The following CSMD1 variants were observed in gnomAD, a reference collection of about 807,000 sequenced individuals.
CSMD1 encodes the protein CUB and Sushi multiple domains 1.
In CSMD1, 213 loss-of-function variants were observed where a neutral mutation model predicts 417.5. The observed-to-expected ratio is 0.51, with a 90% CI of 0.46 to 0.57. CSMD1 has a LOEUF of 0.57. Ranked by LOEUF, CSMD1 falls within the 20% of genes least tolerant of loss-of-function variation. CSMD1 has a pLI of 0.00. For missense variants in CSMD1, 6,923 were observed against 4,529.7 expected (o/e 1.53, Z -15.17); for synonymous variants, 2,862 against 1,736.8 (o/e 1.65, Z -16.11).
At chr8:3,635,793 C>CAAAAAAAAAAAAAA (rs752552617) in intron 7 of CSMD1, among the ~76,000 whole-genome samples, 2 of 99,274 alleles carry the variant, frequency 2.0e-5, no homozygotes, top group African/African-American at 4.1e-5. Flanking sequence ...GCTTCCATCT[C>CAAAAAAAAAAAAAA]AAAAAAAAAA....
At chr8:3,192,975 A>G (rs532317833) in intron 33 of CSMD1, among the ~76,000 whole-genome samples, 1 of 151,962 alleles carries the variant, frequency 6.6e-6, no homozygotes, top group South Asian at 2.1e-4. Context: ...TTCCACAGTC[A>G]TCTCAAGGAT....
In CSMD1 at chr8:4,284,349, C is replaced by G. The variant is rs143481374; in HGVS notation, c.415+135604G>C. ...TGCCAATGCACTCCAGCCTGGGGGA[C>G]AAGAGAGAAACTACAACCCCCCCCA... On this transcript the variant is annotated intron_variant, in intron 3 of 69. Coordinates refer to ENST00000635120, the MANE Select transcript of CSMD1 (RefSeq NM_033225.6). Among the ~76,000 whole-genome samples, 1,344 of 151,912 alleles carry G rather than the reference C, an allele frequency of 8.8e-3. 20 individuals are homozygous for G. The highest frequency in any genetic ancestry group is 0.03 in the African/African-American group (1,258 of 41,402).
At chr8:3,695,611 C>G (rs542371137) in intron 7 of CSMD1, among the ~76,000 whole-genome samples, 2 of 152,000 alleles carry the variant, frequency 1.3e-5, no homozygotes, top group African/African-American at 4.8e-5. Flanking sequence ...AAAATGTTCA[C>G]GTGTTTCACA....
At chr8:4,510,282 T>G (rs1204050533) in intron 2 of CSMD1, among the ~76,000 whole-genome samples, 2 of 151,378 alleles carry the variant, frequency 1.3e-5, no homozygotes, top group Admixed American at 6.6e-5. Context: ...GGGTATGTCT[T>G]TATCAGCAGC....
chr8:3,668,953 A>G (rs897787057), intron 7 of CSMD1, among the ~76,000 whole-genome samples: 60 of 152,162 alleles, frequency 3.9e-4, no homozygotes, highest in African/African-American at 1.4e-3. Context: ...AACAGGAAAG[A>G]TGGGGAGAAA....
At chr8:4,530,000 C>T (rs1796715723) in intron 2 of CSMD1, among the ~76,000 whole-genome samples, 1 of 152,090 alleles carries the variant, frequency 6.6e-6, no homozygotes, top group Non-Finnish European at 1.5e-5. Flanking sequence ...CTGCAAGCCC[C>T]GCCTTCCGGG....
intron 1 of CSMD1, among the ~76,000 whole-genome samples, chr8:4,689,229 A>G (rs1806598478): frequency 6.6e-6 from 1 of 152,194 alleles, no homozygotes; most frequent in African/African-American, 2.4e-5. Flanking sequence ...GTGATTTTGC[A>G]TGTATTAAAC....
At chr8:3,938,250 T>C (rs1241159749) in intron 5 of CSMD1, among the ~76,000 whole-genome samples, 1 of 152,040 alleles carries the variant, frequency 6.6e-6, no homozygotes, top group Non-Finnish European at 1.5e-5. Flanking sequence ...CTTTACTGTT[T>C]AAAAAAAATT....
chr8:3,484,960 A>ATGGC (rs145777569), intron 11 of CSMD1, among the ~76,000 whole-genome samples: 3,420 of 152,264 alleles, frequency 0.022, 111 homozygotes, highest in East Asian at 0.14. Flanking sequence ...ACTTAACATC[A>ATGGC]TGGGCTGTGA....
intron 2 of CSMD1, among the ~76,000 whole-genome samples, chr8:4,441,734 T>G (rs1318293035): frequency 6.6e-6 from 1 of 152,120 alleles, no homozygotes; most frequent in African/African-American, 2.4e-5. Flanking sequence ...AAATGAAAAT[T>G]TTTACTTAAA....
intron 10 of CSMD1, among the ~76,000 whole-genome samples, chr8:3,562,409 CAT>C (rs1459590133): frequency 7.2e-6 from 1 of 139,376 alleles, no homozygotes; most frequent in Non-Finnish European, 1.6e-5. Context: ...CATACACACA[CAT>C]GCACAAACAC....
chr8:3,997,744 G>C (rs950011893), intron 5 of CSMD1, among the ~76,000 whole-genome samples, 159 bp downstream of exon 5: 1 of 152,124 alleles, frequency 6.6e-6, no homozygotes, highest in East Asian at 1.9e-4. Flanking sequence ...ATTACTCACA[G>C]TAAAGGTAAC....
intron 4 of CSMD1, among the ~76,000 whole-genome samples, chr8:3,998,646 G>A (rs879510767): frequency 7.2e-5 from 11 of 152,074 alleles, no homozygotes; most frequent in Non-Finnish European, 1.5e-4. Context: ...AAAAGGTTCT[G>A]AGTAGAAAAC....
chr8:4,871,701 C>T (rs966563406), intron 1 of CSMD1, among the ~76,000 whole-genome samples: 1 of 152,090 alleles, frequency 6.6e-6, no homozygotes, highest in Non-Finnish European at 1.5e-5. Context: ...TAGCAAAAAT[C>T]CCAAGTAGCA....
chr8:3,926,090 C>CAAACACCAT (rs1809672257), intron 5 of CSMD1, among the ~76,000 whole-genome samples: 2 of 41,594 alleles, frequency 4.8e-5, no homozygotes, highest in African/African-American at 5.3e-4. Context: ...CATACACACA[C>CAAACACCAT]ACACACACAC....
chr8:3,685,088 G>C (rs753162356), intron 7 of CSMD1, among the ~76,000 whole-genome samples: 1 of 152,088 alleles, frequency 6.6e-6, no homozygotes, highest in Non-Finnish European at 1.5e-5. Flanking sequence ...ATTATAAAAC[G>C]ATTTACTGGG....
chr8:4,739,681 C>G (rs897999528), intron 1 of CSMD1, among the ~76,000 whole-genome samples: 5 of 152,266 alleles, frequency 3.3e-5, no homozygotes, highest in African/African-American at 7.2e-5. Flanking sequence ...GTGTCTATCA[C>G]TTTTTGTCTA....
At chr8:4,325,125 A>G (rs770645327) in intron 3 of CSMD1, among the ~76,000 whole-genome samples, 1 of 152,204 alleles carries the variant, frequency 6.6e-6, no homozygotes, top group Admixed American at 6.5e-5. Flanking sequence ...TGCACATTGT[A>G]TGCAATCATG....
At chr8:4,417,189 G>C (rs1257835521) in intron 3 of CSMD1, among the ~76,000 whole-genome samples, 1 of 152,042 alleles carries the variant, frequency 6.6e-6, no homozygotes, top group African/African-American at 2.4e-5. Context: ...ATCAATGTTA[G>C]TATAAAATTT....
Sources: allele counts gnomAD v4.1 joint callset (sites outside exome capture counted in the v4.1 genomes callset), GRCh38; gene constraint gnomAD v4.1.1; transcripts MANE v1.5; gene names NCBI Gene and HGNC (gene_info 2026-07-23, HGNC 2026-07-21).